KRT7: variants seen among roughly 807,000 people sequenced by gnomAD.
KRT7 encodes keratin, type II cytoskeletal 7.
A neutral mutation model predicts 42.8 loss-of-function variants in KRT7; 50 were observed. The ratio of observed to expected loss-of-function variants is 1.17; its 90% CI spans 0.93 to 1.48. The LOEUF is 1.48. KRT7 is among the 40% of genes most tolerant of loss of function. KRT7 has a pLI of 0.00. For synonymous variants in KRT7, 268 were observed against 266.3 expected (o/e 1.01, Z -0.06); for missense variants, 588 against 637.6 (o/e 0.92, Z 0.84).
At position 52,241,484 on chromosome 12, in the gene KRT7, C is replaced by T. The variant is rs775428511; in HGVS notation, c.706C>T (p.Leu236=). 6.2e-7 allele frequency: 1 copy of T among 1,611,838 alleles called. No individual in the cohort carries two copies. The highest frequency in any genetic ancestry group is 1.1e-5 in the South Asian group (1 of 90,692). ...CTGGTCCCTACAGGAGTTGACAGAG[C>T]TGCAGTCCCAGATCTCCGACACATC... The part of the protein sequence containing the change: ...RTLNETELTE[L]QSQISDTSVV... Residue 236 remains leucine (L), a synonymous_variant, in exon 5 of 9, where the codon CTG becomes TTG. Transcript: ENST00000331817.
chr12:52,245,725 CCCT>C, intron 7 of KRT7, 93 bp downstream of exon 7: 1 of 1,501,232 alleles, frequency 6.7e-7, no homozygotes, highest in Non-Finnish European at 9.1e-7. Context: ...TCCTGTATGC[CCCT>C]CCTCTGCAGG....
rs78440047 is a variant in KRT7, at chr12:52,240,118, C to A, written c.693+1343C>A. On this transcript the variant is annotated intron_variant, in intron 4 of 8. Coordinates refer to ENST00000331817, the MANE Select transcript of KRT7 (RefSeq NM_005556.4). Reference sequence around the variant, plus strand: ...TCAGGCACTTCTAATCTCAGGTCTTCCTGGGTCTATCACATGGTTTATTTA... The same window carrying A: ...TCAGGCACTTCTAATCTCAGGTCTTACTGGGTCTATCACATGGTTTATTTA... Among the ~76,000 whole-genome samples, 412 of 152,120 alleles carry A rather than the reference C, an allele frequency of 2.7e-3. 9 individuals are homozygous for A. Among genetic ancestry groups the A allele is most frequent in the East Asian group, 0.027 (140 of 5,178 alleles).
At chr12:52,235,034 G>T in intron 1 of KRT7, 121 bp from the exon 2 acceptor site, 1 of 889,952 alleles carries the variant, frequency 1.1e-6, no homozygotes, top group East Asian at 2.6e-5. Context: ...GGAAGCCCCA[G>T]GCAGGGAAAC....
At chr12:52,236,548 CAG>C (rs1458996698) in intron 2 of KRT7, among the ~76,000 whole-genome samples, 1 of 152,176 alleles carries the variant, frequency 6.6e-6, no homozygotes, top group Non-Finnish European at 1.5e-5. Flanking sequence ...ACTGCCAAGG[CAG>C]GGGTGGACGG....
chr12:52,248,480 C>T (rs1252205765), intron 8 of KRT7, 111 bp from the exon 9 acceptor site: 3 of 1,178,206 alleles, frequency 2.5e-6, no homozygotes, highest in African/African-American at 1.5e-5. Flanking sequence ...TGGAGGGGGG[C>T]AGGGGTGAGG....
intron 5 of KRT7, chr12:52,241,857 C>T: frequency 2.3e-6 from 1 of 435,802 alleles, no homozygotes; most frequent in Non-Finnish European, 4.1e-6. Context: ...TAAAATATGG[C>T]AAGTACTTAC....
downstream of KRT7, among the ~76,000 whole-genome samples, chr12:52,249,869 G>A (rs1302184094): frequency 6.6e-6 from 1 of 152,102 alleles, no homozygotes; most frequent in Non-Finnish European, 1.5e-5. Context: ...GGTGGGGGCT[G>A]GGGTGGAGAG....
chr12:52,248,741 G>A lies in KRT7; in HGVS notation c.1391G>A (p.Arg464His), dbSNP rs111432010. Residue 464 changes from arginine to histidine, a missense_variant, in exon 9 of 9, where the codon CGC (arginine) becomes CAC (histidine). Coordinates refer to ENST00000331817, the MANE Select transcript of KRT7 (RefSeq NM_005556.4). ...AYSIRTASAS[R>H]RSARD The stretch of plus-strand genomic sequence containing the variant: ...TCCATCCGGACCGCATCCGCCAGTC[G>A]CAGGAGTGCCCGCGACTGAGCCGCC... 5,050 of 1,584,048 alleles carry A rather than the reference G, an allele frequency of 3.2e-3. 143 individuals carry two copies. The African/African-American group carries it at 0.06, about 19-fold the overall frequency.
downstream of KRT7, chr12:52,254,446 C>A (rs1942312931): frequency 1.9e-6 from 1 of 534,720 alleles, no homozygotes; most frequent in Non-Finnish European, 3.7e-6. Flanking sequence ...GAGGGGCACC[C>A]CATCAGGCTG....
At position 52,237,684 on chromosome 12, in the gene KRT7, G is replaced by A. The variant is rs1942030698; in HGVS notation, c.597+115G>A. The A allele has an allele frequency of 5.3e-6, 4 of 756,770 alleles. No homozygotes were observed. The Admixed American group carries it at 7.4e-5, about 14-fold the overall frequency. The allele number at this position is 756,770 out of a possible 1,614,324, so 46.9% of individuals were successfully genotyped here. A position where few individuals can be genotyped will look rare whatever the true frequency, so the allele number is the denominator to read the frequency against. On this transcript the variant is annotated intron_variant, in intron 3 of 8. Coordinates refer to ENST00000331817, the MANE Select transcript of KRT7 (RefSeq NM_005556.4). Reference sequence around the variant, plus strand: ...CCTCTGGCCAAGGCCTGCCTGAGCTGTCCAAGAGGAAGTCTGCACAGCCTG... The same window carrying A: ...CCTCTGGCCAAGGCCTGCCTGAGCTATCCAAGAGGAAGTCTGCACAGCCTG...
chr12:52,254,436 G>C, downstream of KRT7: 1 of 562,322 alleles, frequency 1.8e-6, no homozygotes, highest in Admixed American at 2.0e-5. Context: ...TCCTACCAGG[G>C]AGGGGCACCC....
chr12:52,238,721 C>T lies in KRT7; in HGVS notation c.639C>T (p.Ala213=), dbSNP rs756240455. The part of the protein sequence containing the change: ...AAYMSKVELE[A]KVDALNDEIN... Reference sequence around the variant, plus strand: ...ACATGAGCAAGGTGGAGCTGGAGGCCAAGGTGGATGCCCTGAATGATGAGA... The same window carrying T: ...ACATGAGCAAGGTGGAGCTGGAGGCTAAGGTGGATGCCCTGAATGATGAGA... The change falls in exon 4 of 9, where the codon GCC becomes GCT. Residue 213 remains alanine, a synonymous_variant. Transcript: ENST00000331817. The T allele has an allele frequency of 1.2e-6, 2 of 1,614,070 alleles. No individual in the cohort carries two copies. The highest frequency in any genetic ancestry group is 1.7e-6 in the Non-Finnish European group (2 of 1,179,928).
chr12:52,233,312 A>G lies in KRT7; in HGVS notation c.16A>G (p.Ser6Gly). 2 of 1,563,218 alleles carry G rather than the reference A, an allele frequency of 1.3e-6. No homozygotes were observed. Among genetic ancestry groups the G allele is most frequent in the South Asian group, 2.4e-5 (2 of 85,072 alleles). The change falls in exon 1 of 9, where the codon AGC becomes GGC. Residue 6 changes from serine to glycine, a missense_variant. Physicochemically the swap from Ser to Gly is moderately conservative, Grantham distance 56 (BLOSUM62 0). Transcript: ENST00000331817. MSIHF[S>G]SPVFTSRSAA... ...CCCAGCCACCATGTCCATCCACTTC[A>G]GCTCCCCGGTATTCACCTCGCGCTC... is the stretch of plus-strand genomic sequence containing the variant.
intron 1 of KRT7, among the ~76,000 whole-genome samples, chr12:52,234,131 G>GGT (rs1235950412): frequency 6.7e-6 from 1 of 149,358 alleles, no homozygotes; most frequent in Non-Finnish European, 1.5e-5. Flanking sequence ...CGGGGGAGGG[G>GGT]GGGGGGCTCC....
downstream of KRT7, among the ~76,000 whole-genome samples, chr12:52,254,605 A>G (rs952362124): frequency 1.3e-5 from 2 of 152,194 alleles, no homozygotes. Context: ...TTCCTCTGGC[A>G]CCCACTGGGA....
downstream of KRT7, chr12:52,255,253 T>G (rs1196995705): frequency 1.4e-5 from 6 of 436,242 alleles, no homozygotes; most frequent in Non-Finnish European, 1.9e-5. Flanking sequence ...GAGCCTGATG[T>G]TAGTCAAGGT....
chr12:52,235,099 G>A (rs1400839083), intron 1 of KRT7, 56 bp from the exon 2 acceptor site: 19 of 1,537,342 alleles, frequency 1.2e-5, no homozygotes, highest in East Asian at 2.2e-5. Context: ...CCTCAATCCC[G>A]CTGTGGGTGG....
At chr12:52,252,377 C>T (rs1311920242), downstream of KRT7, 3 of 1,614,146 alleles carry the variant, frequency 1.9e-6, no homozygotes, top group Non-Finnish European at 2.5e-6. Context: ...CCTGCTTGGC[C>T]TTCTGCAGGG....
rs1179465373 is a variant in KRT7, at chr12:52,233,482, C to G, written c.186C>G (p.Gly62=). The G allele has an allele frequency of 7.5e-6, 12 of 1,610,368 alleles. No homozygotes were observed. The highest frequency in any genetic ancestry group is 1.0e-5 in the Non-Finnish European group (12 of 1,179,148). ...CCTATGGGGGCCCGGTGGGCGCCGGCATCCGCGAGGTCACCATTAACCAGA... is the reference window on the plus strand; with the variant it reads ...CCTATGGGGGCCCGGTGGGCGCCGGGATCCGCGAGGTCACCATTAACCAGA... ...RSAYGGPVGA[G]IREVTINQSL... is the part of the protein sequence containing the mutation. Residue 62 remains glycine, a synonymous_variant, in exon 1 of 9, where the codon GGC becomes GGG. Coordinates refer to ENST00000331817, the MANE Select transcript of KRT7 (RefSeq NM_005556.4).
Sources: allele counts gnomAD v4.1 joint callset (sites outside exome capture counted in the v4.1 genomes callset), GRCh38; gene constraint gnomAD v4.1.1; transcripts MANE v1.5; gene names NCBI Gene and HGNC (gene_info 2026-07-23, HGNC 2026-07-21).